PTPRK: variants seen among roughly 807,000 people sequenced by gnomAD.
PTPRK encodes protein tyrosine phosphatase receptor type K.
PTPRK carries 75 observed loss-of-function variants against 178.0 expected under a neutral mutation model. That is an observed-to-expected ratio of 0.42 (90% CI 0.35 to 0.51). The LOEUF is 0.51. PTPRK is among the 20% of genes least tolerant of loss of function. The pLI is 0.02. For missense variants in PTPRK, 1,441 were observed against 1,797.8 expected, an observed-to-expected ratio of 0.80 and a Z score of 3.59; for synonymous variants, 637 against 620.6, an observed-to-expected ratio of 1.03 and a Z score of -0.39.
chr6:128,276,713 T>C (rs544394960), intron 3 of PTPRK, among the ~76,000 whole-genome samples: 1 of 151,642 alleles, frequency 6.6e-6, no homozygotes, highest in South Asian at 2.1e-4. Context: ...GATAGATTTT[T>C]AGAAAATGAA....
chr6:128,436,414 A>T (rs952546757), intron 1 of PTPRK, among the ~76,000 whole-genome samples: 4 of 152,220 alleles, frequency 2.6e-5, no homozygotes, highest in African/African-American at 9.6e-5. Context: ...GTTTCTAAAG[A>T]CAATTTTTGA....
At chr6:128,287,901 A>G (rs1822765232) in intron 3 of PTPRK, among the ~76,000 whole-genome samples, 1 of 152,256 alleles carries the variant, frequency 6.6e-6, no homozygotes, top group Non-Finnish European at 1.5e-5. Flanking sequence ...ATTTTTTAAA[A>G]AGCCTTCTGA....
At chr6:128,445,713 T>A (rs1448929092) in intron 1 of PTPRK, among the ~76,000 whole-genome samples, 2 of 152,208 alleles carry the variant, frequency 1.3e-5, no homozygotes, top group Non-Finnish European at 2.9e-5. Context: ...CTTAGGAATG[T>A]ATAGTGATAT....
chr6:128,275,219 G>C (rs1768349), intron 3 of PTPRK, among the ~76,000 whole-genome samples: 5,824 of 152,060 alleles, frequency 0.038, 370 homozygotes, highest in African/African-American at 0.13. Context: ...CAGGAAATGA[G>C]AGAGAATGAG....
At chr6:128,334,949 G>C (rs148234311) in intron 2 of PTPRK, among the ~76,000 whole-genome samples, 1 of 152,020 alleles carries the variant, frequency 6.6e-6, no homozygotes, top group Non-Finnish European at 1.5e-5. Flanking sequence ...TTAGCCAGGC[G>C]TGGTGGCGGG....
chr6:127,979,637 G>A (rs1191908592), intron 25 of PTPRK, among the ~76,000 whole-genome samples: 2 of 152,332 alleles, frequency 1.3e-5, no homozygotes, highest in East Asian at 3.9e-4. Flanking sequence ...ACGAGAGCCT[G>A]CCTTTAGACT....
intron 1 of PTPRK, among the ~76,000 whole-genome samples, chr6:128,455,816 T>TC (rs1848316616): frequency 6.6e-6 from 1 of 152,136 alleles, no homozygotes; most frequent in Non-Finnish European, 1.5e-5. Flanking sequence ...TAGAAAATAC[T>TC]TTCCTCCTAG....
At chr6:128,152,784 T>A (rs1421822703) in intron 7 of PTPRK, among the ~76,000 whole-genome samples, 1 of 151,948 alleles carries the variant, frequency 6.6e-6, no homozygotes, top group Non-Finnish European at 1.5e-5. Context: ...AAGGTCTGCT[T>A]AGAGTGGACA....
intron 1 of PTPRK, among the ~76,000 whole-genome samples, chr6:128,434,185 T>C (rs1461059846): frequency 2.6e-5 from 4 of 152,056 alleles, no homozygotes; most frequent in East Asian, 3.9e-4. Context: ...AAAAAGATTA[T>C]CTTGTCTCTG....
chr6:128,264,894 T>C (rs1429257432), intron 3 of PTPRK, among the ~76,000 whole-genome samples: 1 of 152,132 alleles, frequency 6.6e-6, no homozygotes, highest in East Asian at 1.9e-4. Flanking sequence ...AATGGGAATT[T>C]CCCTGCACAA....
At chr6:128,185,935 G>A (rs927839507) in intron 6 of PTPRK, among the ~76,000 whole-genome samples, 2 of 152,084 alleles carry the variant, frequency 1.3e-5, no homozygotes, top group African/African-American at 4.8e-5. Flanking sequence ...GAATGTTCAG[G>A]TGCAGACCAG....
chr6:128,298,334 A>G (rs1824882057), intron 3 of PTPRK, among the ~76,000 whole-genome samples: 1 of 151,994 alleles, frequency 6.6e-6, no homozygotes, highest in Non-Finnish European at 1.5e-5. Flanking sequence ...TTCTGAAACT[A>G]TTCCAATCAA....
chr6:127,983,122 T>C (rs1381877511), intron 23 of PTPRK, 120 bp downstream of exon 23: 3 of 1,286,666 alleles, frequency 2.3e-6, no homozygotes, highest in South Asian at 3.1e-5. Flanking sequence ...TCAGCTAATA[T>C]TGATTACACA....
chr6:128,337,555 G>A (rs1831108362), intron 2 of PTPRK, among the ~76,000 whole-genome samples: 1 of 152,118 alleles, frequency 6.6e-6, no homozygotes, highest in Admixed American at 6.5e-5. Flanking sequence ...TGAACAAGAA[G>A]TTTATCAGCA....
At chr6:128,210,580 C>A (rs965897008) in intron 6 of PTPRK, among the ~76,000 whole-genome samples, 3 of 152,028 alleles carry the variant, frequency 2.0e-5, no homozygotes, top group Admixed American at 6.6e-5. Flanking sequence ...GAAGTATACT[C>A]GGAAGAGCTG....
At chr6:128,254,829 A>C (rs1817021197) in intron 3 of PTPRK, among the ~76,000 whole-genome samples, 1 of 152,176 alleles carries the variant, frequency 6.6e-6, no homozygotes, top group Admixed American at 6.5e-5. Context: ...CAATCAGTAA[A>C]AATGGGTTGA....
At chr6:128,459,043 A>G (rs17055885) in intron 1 of PTPRK, among the ~76,000 whole-genome samples, 6,556 of 152,242 alleles carry the variant, frequency 0.043, 480 homozygotes, top group African/African-American at 0.15. Context: ...AAATATGAGC[A>G]GTACAGGTTA....
At chr6:128,049,278 A>T (rs11967507) in intron 13 of PTPRK, among the ~76,000 whole-genome samples, 17,040 of 152,028 alleles carry the variant, frequency 0.11, 2,429 homozygotes, top group African/African-American at 0.33. Context: ...AGTTCACAGG[A>T]TGGGAAAATT....
chr6:128,071,400 C>T (rs192512670), intron 11 of PTPRK, among the ~76,000 whole-genome samples: 5 of 152,082 alleles, frequency 3.3e-5, no homozygotes, highest in East Asian at 3.9e-4. Flanking sequence ...TACACCCAAA[C>T]GAAACTGAAA....
Sources: gnomAD v4.1 joint callset for allele counts (sites outside exome capture counted in the v4.1 genomes callset) on GRCh38, gnomAD v4.1.1 for gene constraint, MANE v1.5 for transcripts, NCBI Gene and HGNC (gene_info 2026-07-23, HGNC 2026-07-21) for gene names.